EXT2: variants seen among roughly 807,000 people sequenced by gnomAD.
EXT2 encodes the protein exostosin-2.
A neutral mutation model predicts 81.6 loss-of-function variants in EXT2; 53 were observed. The ratio of observed to expected loss-of-function variants is 0.65; its 90% CI spans 0.52 to 0.82. The LOEUF is 0.82. EXT2 is among the 40% of genes least tolerant of loss of function. The probability of loss-of-function intolerance (pLI) is 0.00; values close to 1 mark genes in which losing one functional copy is unlikely to be tolerated. For synonymous variants in EXT2, 320 were observed against 340.0 expected, an observed-to-expected ratio of 0.94 and a Z score of 0.65; for missense variants, 774 against 910.2, an observed-to-expected ratio of 0.85 and a Z score of 1.93.
intron 13 of EXT2, among the ~76,000 whole-genome samples, chr11:44,243,619 T>A (rs907463672): frequency 2.3e-5 from 2 of 85,426 alleles, no homozygotes; most frequent in Admixed American, 2.2e-4. Flanking sequence ...CCCTGTCACC[T>A]TTTTTTTTTT....
chr11:44,100,209 C>CACTTTTTTTT (rs1484544373), intron 1 of EXT2, among the ~76,000 whole-genome samples: 9 of 152,198 alleles, frequency 5.9e-5, no homozygotes, highest in African/African-American at 2.2e-4. Context: ...CTGGATTCAC[C>CACTTTTTTTT]TTTTGCAAGC....
chr11:44,172,498 G>A (rs2135129737), intron 8 of EXT2, among the ~76,000 whole-genome samples: 1 of 152,182 alleles, frequency 6.6e-6, no homozygotes, highest in Middle Eastern at 3.4e-3. Flanking sequence ...TCCTGTAAGA[G>A]AACTAGACTG....
chr11:44,096,421 G>GT, intron 1 of EXT2: 1 of 1,248,896 alleles, frequency 8.0e-7, no homozygotes, highest in South Asian at 1.4e-5. Flanking sequence ...CCGGGGGCGT[G>GT]TTAGGCCGGG....
At chr11:44,216,534 C>T (rs1204818088) in intron 10 of EXT2, among the ~76,000 whole-genome samples, 1 of 152,042 alleles carries the variant, frequency 6.6e-6, no homozygotes, top group East Asian at 1.9e-4. Context: ...TATGGTGAAC[C>T]AGATCTTATT....
intron 8 of EXT2, among the ~76,000 whole-genome samples, chr11:44,178,345 CTG>C (rs1467479097): frequency 6.6e-6 from 1 of 152,220 alleles, no homozygotes; most frequent in African/African-American, 2.4e-5. Flanking sequence ...ATTTCATTCA[CTG>C]TGAGTGTCCT....
In EXT2 at chr11:44,114,131, T is replaced by A. The variant is rs1954186073; in HGVS notation, c.627-54T>A. The A allele has an allele frequency of 1.2e-5, 17 of 1,422,502 alleles. No individual in the cohort carries two copies. The South Asian group carries it at 2.0e-4, about 16-fold the overall frequency. 88.1% of individuals were successfully genotyped at this position (1,422,502 alleles called of 1,614,324 possible). Reference sequence around the variant, plus strand: ...AATTCCTGTTCCTCTCCACAGTGTGTATCAGAATAAAGTCCTTTCTTTCTC... The same window carrying A: ...AATTCCTGTTCCTCTCCACAGTGTGAATCAGAATAAAGTCCTTTCTTTCTC... On this transcript the variant is annotated intron_variant, in intron 3 of 13. Transcript: ENST00000533608.
chr11:44,190,227 A>G (rs751530350), intron 8 of EXT2, among the ~76,000 whole-genome samples: 4 of 152,246 alleles, frequency 2.6e-5, no homozygotes, highest in Non-Finnish European at 5.9e-5. Context: ...GCATGATGAA[A>G]TACTTTTCAA....
chr11:44,242,577 C>T (rs1268545036), intron 13 of EXT2, among the ~76,000 whole-genome samples: 1 of 152,130 alleles, frequency 6.6e-6, no homozygotes, highest in Non-Finnish European at 1.5e-5. Context: ...GTTACTTAAC[C>T]TCTCTGAACC....
At chr11:44,240,399 C>A (rs376682197) in intron 13 of EXT2, among the ~76,000 whole-genome samples, 1 of 152,096 alleles carries the variant, frequency 6.6e-6, no homozygotes. Context: ...TGGTACCTTA[C>A]AAAAATAATA....
intron 10 of EXT2, among the ~76,000 whole-genome samples, chr11:44,213,370 T>C (rs894171650): frequency 2.0e-5 from 3 of 152,178 alleles, no homozygotes; most frequent in African/African-American, 7.2e-5. Context: ...AAATTGCAAC[T>C]TCAATGAGAA....
At chr11:44,154,789 C>T (rs1323364503) in intron 7 of EXT2, among the ~76,000 whole-genome samples, 1 of 152,108 alleles carries the variant, frequency 6.6e-6, no homozygotes, top group African/African-American at 2.4e-5. Flanking sequence ...TCTCTACATC[C>T]TCACCAGCAT....
intron 7 of EXT2, among the ~76,000 whole-genome samples, chr11:44,168,905 A>G (rs1390307371): frequency 6.6e-6 from 1 of 152,160 alleles, no homozygotes; most frequent in African/African-American, 2.4e-5. Flanking sequence ...AAGGGTAAAT[A>G]TACGGTGAAA....
At chr11:44,134,562 G>A (rs530860246) in intron 7 of EXT2, among the ~76,000 whole-genome samples, 1 of 152,262 alleles carries the variant, frequency 6.6e-6, no homozygotes, top group South Asian at 2.1e-4. Flanking sequence ...GCAGAAGTAT[G>A]CAGCTAAATA....
chr11:44,209,177 A>G (rs1174018694), intron 10 of EXT2, among the ~76,000 whole-genome samples: 9 of 152,366 alleles, frequency 5.9e-5, no homozygotes, highest in African/African-American at 2.2e-4. Context: ...TCCCACATGG[A>G]AAGTGGGATT....
rs1477010752 is a variant in EXT2, at chr11:44,197,959, T to A, written c.1436T>A (p.Val479Glu). The A allele has an allele frequency of 4.3e-6, 7 of 1,613,958 alleles. No individual in the cohort carries two copies. The highest frequency in any genetic ancestry group is 5.9e-6 in the Non-Finnish European group (7 of 1,179,994). Residue 479 changes from valine (V) to glutamate (E), a missense_variant, in exon 9 of 14, where the codon GTG becomes GAG. Physicochemically the swap from Val to Glu is moderately radical, Grantham distance 121 (BLOSUM62 -2). Around this residue, in one of 2 missense-constraint regions of EXT2, gnomAD observed 626 missense variants for 670.5 expected, o/e 0.93. Transcript: ENST00000533608. ...CGGGTCATCACTGAAGTGTCCAAGGTGCCCAGTCTATCCAAACTACTTGTC... is the reference window on the plus strand; with the variant it reads ...CGGGTCATCACTGAAGTGTCCAAGGAGCCCAGTCTATCCAAACTACTTGTC... ...LFRVITEVSK[V>E]PSLSKLLVVW...
chr11:44,111,065 G>A (rs1954135437), intron 3 of EXT2, among the ~76,000 whole-genome samples: 1 of 152,154 alleles, frequency 6.6e-6, no homozygotes, highest in Admixed American at 6.5e-5. Context: ...CAGATTGTTT[G>A]GAAATTAGAA....
At chr11:44,148,852 G>A (rs1313843093) in intron 7 of EXT2, among the ~76,000 whole-genome samples, 2 of 152,172 alleles carry the variant, frequency 1.3e-5, no homozygotes, top group Non-Finnish European at 2.9e-5. Context: ...TGAGGTCACA[G>A]ATGTTGGAAG....
In EXT2 at chr11:44,208,045, T is replaced by C. The variant is rs145741819; in HGVS notation, c.1662+1086T>C. On this transcript the variant is annotated intron_variant, in intron 10 of 13. Transcript: ENST00000533608. Reference sequence around the variant, plus strand: ...AGGCATGAGAGTAGCTAATAAAACATACATTCATCTTTTTGGATTTATTTT... The same window carrying C: ...AGGCATGAGAGTAGCTAATAAAACACACATTCATCTTTTTGGATTTATTTT... Among the ~76,000 whole-genome samples, 3 of 152,354 alleles carry C rather than the reference T, an allele frequency of 2.0e-5. No homozygotes were observed. The East Asian group carries it at 5.8e-4, about 29-fold the overall frequency.
At chr11:44,207,025 T>TA in intron 10 of EXT2, 66 bp downstream of exon 10, 1 of 1,515,334 alleles carries the variant, frequency 6.6e-7, no homozygotes, top group East Asian at 2.3e-5. Flanking sequence ...TTGTCTTTTC[T>TA]AAAAAAGAGT....
Sources: gnomAD v4.1 joint callset for allele counts (sites outside exome capture counted in the v4.1 genomes callset) on GRCh38, gnomAD v4.1.1 for gene constraint, gnomAD v4.1.1 regional missense constraint, MANE v1.5 for transcripts, NCBI Gene and HGNC (gene_info 2026-07-23, HGNC 2026-07-21) for gene names.